The following STXBP5L variants were observed in gnomAD, a reference collection of about 807,000 sequenced individuals.
STXBP5L encodes the protein syntaxin binding protein 5L.
In STXBP5L, 65 loss-of-function variants were observed where a neutral mutation model predicts 144.5. The ratio of observed to expected loss-of-function variants is 0.45; its 90% CI spans 0.37 to 0.55. STXBP5L has a LOEUF of 0.55. Ranked by LOEUF, STXBP5L falls within the 20% of genes least tolerant of loss-of-function variation. STXBP5L has a pLI of 0.00. For missense variants in STXBP5L, 1,298 were observed against 1,405.5 expected (o/e 0.92, Z 1.22); for synonymous variants, 505 against 469.6 (o/e 1.08, Z -0.97).
chr3:121,241,879 C>T (rs1289771808), intron 14 of STXBP5L, among the ~76,000 whole-genome samples: 4 of 152,046 alleles, frequency 2.6e-5, no homozygotes, highest in Non-Finnish European at 5.9e-5. Context: ...GAAAAAAAAT[C>T]TGGAAAGCCA....
chr3:120,965,962 G>A (rs1939517372), intron 3 of STXBP5L, among the ~76,000 whole-genome samples: 1 of 152,140 alleles, frequency 6.6e-6, no homozygotes, highest in African/African-American at 2.4e-5. Context: ...TTTCTTAAAG[G>A]CTTTGTTCGT....
chr3:121,211,622 A>T (rs1232813245), intron 10 of STXBP5L, among the ~76,000 whole-genome samples: 2 of 120,554 alleles, frequency 1.7e-5, no homozygotes, highest in Admixed American at 1.2e-4. Context: ...CTCTGTCACC[A>T]GGCTGGAGTG....
intron 12 of STXBP5L, 30 bp from the exon 13 acceptor site, chr3:121,238,941 T>TATATTTTCTTTGTA: frequency 6.7e-7 from 1 of 1,501,922 alleles, no homozygotes; most frequent in Non-Finnish European, 9.0e-7. Flanking sequence ...CTTTGTAAAA[T>TATATTTTCTTTGTA]AACACTGATA....
chr3:121,257,221 A>T lies in STXBP5L; in HGVS notation c.1720A>T (p.Ser574Cys). The change falls in exon 17 of 27, where the codon AGT becomes TGT. Residue 574 changes from serine (S) to cysteine (C), a missense_variant. Physicochemically the swap from Ser to Cys is moderately radical, Grantham distance 112. Coordinates refer to ENST00000471454, the MANE Select transcript of STXBP5L (RefSeq NM_001308330.2). ...TATTATTACCCCTGAACCAGAAACA[A>T]GTCCTCCGTTTCCAGATCTCTCAGC... ...EDIITPEPET[S>C]PPFPDLSAQL... The T allele has an allele frequency of 1.2e-6, 2 of 1,613,826 alleles. No individual in the cohort carries two copies. Among genetic ancestry groups the T allele is most frequent in the Non-Finnish European group, 1.7e-6 (2 of 1,179,780 alleles).
intron 14 of STXBP5L, 148 bp from the exon 15 acceptor site, chr3:121,250,575 A>C (rs1180234363): frequency 1.6e-6 from 1 of 611,978 alleles, no homozygotes; most frequent in Non-Finnish European, 2.9e-6. Context: ...TTTTAAGCTT[A>C]GAAATGGTTT....
In STXBP5L at chr3:121,407,406, C is replaced by T; in HGVS notation, c.2751C>T (p.Ser917=). 6.2e-7 allele frequency: 1 copy of T among 1,612,988 alleles called. No homozygotes were observed. Among genetic ancestry groups the T allele is most frequent in the Non-Finnish European group, 8.5e-7 (1 of 1,179,362 alleles). The change falls in exon 23 of 27, where the codon TCC becomes TCT. Residue 917 remains serine (S), a synonymous_variant. Coordinates refer to ENST00000471454, the MANE Select transcript of STXBP5L (RefSeq NM_001308330.2). ...TGGTAATGAACTCATCTTCTGCATC[C>T]CAAGAAATAGGAGATCATCAGTATA... ...RKVVMNSSSA[S]QEIGDHQYTI...
At chr3:120,915,321 C>T (rs1709052627) in intron 2 of STXBP5L, among the ~76,000 whole-genome samples, 1 of 152,068 alleles carries the variant, frequency 6.6e-6, no homozygotes, top group Non-Finnish European at 1.5e-5. Flanking sequence ...TGTGAAAAAT[C>T]TCAGGATTAA....
Position 121,190,822 on chromosome 3 carries a change from A to G in STXBP5L, c.878-15101A>G, listed in dbSNP as rs1464837129. ...GGCGGAGGGGCTCCTCACTTCTCAG[A>G]CGGGGCGGCCAGTCAGAGATGCTCC... On this transcript the variant is annotated intron_variant, in intron 9 of 26. Transcript: ENST00000471454. Among the ~76,000 whole-genome samples, 5 of 147,970 alleles carry G rather than the reference A, an allele frequency of 3.4e-5. No individual in the cohort carries two copies. The East Asian group carries it at 8.4e-4, about 25-fold the overall frequency.
At chr3:121,083,499 TA>T (rs998636364) in intron 5 of STXBP5L, among the ~76,000 whole-genome samples, 3 of 151,988 alleles carry the variant, frequency 2.0e-5, no homozygotes, top group African/African-American at 7.2e-5. Flanking sequence ...CCATCTCTAC[TA>T]AAAATACAAA....
chr3:121,331,941 C>G (rs779948213), intron 20 of STXBP5L, among the ~76,000 whole-genome samples: 40 of 152,050 alleles, frequency 2.6e-4, no homozygotes, highest in Non-Finnish European at 5.4e-4. Flanking sequence ...CAACCAGCAT[C>G]TGAGAAAGCC....
intron 18 of STXBP5L, among the ~76,000 whole-genome samples, chr3:121,267,521 A>G (rs1333725818): frequency 1.3e-5 from 2 of 152,228 alleles, no homozygotes; most frequent in African/African-American, 4.8e-5. Context: ...CATGACTAAA[A>G]CATCAAAAGC....
chr3:120,955,384 C>T (rs1272803248), intron 3 of STXBP5L, among the ~76,000 whole-genome samples: 3 of 151,956 alleles, frequency 2.0e-5, no homozygotes, highest in African/African-American at 7.2e-5. Context: ...TATTCGATTT[C>T]ATTGAATTCT....
chr3:121,268,043 C>A (rs544628972), intron 18 of STXBP5L, among the ~76,000 whole-genome samples: 1 of 152,282 alleles, frequency 6.6e-6, no homozygotes, highest in South Asian at 2.1e-4. Context: ...TTTGACCCAG[C>A]AATCCCATTA....
intron 2 of STXBP5L, among the ~76,000 whole-genome samples, chr3:120,937,160 T>C (rs1274595323): frequency 1.3e-5 from 2 of 152,192 alleles, no homozygotes. Context: ...GATAAAGTTT[T>C]ACTTAAGTAA....
At chr3:121,411,463 A>T (rs1408685692) in intron 23 of STXBP5L, among the ~76,000 whole-genome samples, 2 of 152,112 alleles carry the variant, frequency 1.3e-5, no homozygotes, top group South Asian at 2.1e-4. Flanking sequence ...CCCTTTTGGC[A>T]TTAAAGGACT....
intron 2 of STXBP5L, among the ~76,000 whole-genome samples, chr3:120,933,459 C>A (rs1164086018): frequency 6.6e-6 from 1 of 151,936 alleles, no homozygotes; most frequent in African/African-American, 2.4e-5. Flanking sequence ...GTCATACTGG[C>A]AAACATAAAT....
chr3:121,048,249 A>G (rs904207706), intron 5 of STXBP5L, among the ~76,000 whole-genome samples: 5 of 152,086 alleles, frequency 3.3e-5, no homozygotes, highest in African/African-American at 1.2e-4. Context: ...TTTGTAGGTG[A>G]CATGCCCCTT....
At position 121,378,729 on chromosome 3, in the gene STXBP5L, A is replaced by G. The variant is rs751525872; in HGVS notation, c.2190A>G (p.Gly730=). The G allele has an allele frequency of 6.2e-7, 1 of 1,613,418 alleles. No homozygotes were observed. Among genetic ancestry groups the G allele is most frequent in the South Asian group, 1.1e-5 (1 of 91,056 alleles). The change falls in exon 21 of 27, where the codon GGA becomes GGG. Residue 730 remains glycine, a synonymous_variant. Transcript: ENST00000471454. ...CTCTTGGCACAGACCATGTAAATGG[A>G]CACTGCACAAGTCCAACTTCTCAGA... The part of the protein sequence containing the change: ...CKSPTSDHVN[G]HCTSPTSQSC...
At chr3:121,391,165 C>T (rs1048128513) in intron 22 of STXBP5L, among the ~76,000 whole-genome samples, 1 of 151,854 alleles carries the variant, frequency 6.6e-6, no homozygotes. Context: ...CCCTTTCTTC[C>T]CCTTGATTGA....
Sources: gnomAD v4.1 joint callset for allele counts (sites outside exome capture counted in the v4.1 genomes callset) on GRCh38, gnomAD v4.1.1 for gene constraint, MANE v1.5 for transcripts, NCBI Gene and HGNC (gene_info 2026-07-23, HGNC 2026-07-21) for gene names.